Variants in RALYL observed in about 807,000 individuals in gnomAD.
RALYL encodes the protein RNA-binding Raly-like protein.
In RALYL, 29 loss-of-function variants were observed where a neutral mutation model predicts 35.1. The ratio of observed to expected loss-of-function variants is 0.83; its 90% CI spans 0.61 to 1.13. The LOEUF (loss-of-function observed/expected upper bound fraction) is 1.13. RALYL is among the 50% of genes most tolerant of loss of function. The pLI is 0.00. For synonymous variants in RALYL, 120 were observed against 127.6 expected (o/e 0.94, Z 0.40); for missense variants, 359 against 360.4 (o/e 1.00, Z 0.03).
intron 1 of RALYL, among the ~76,000 whole-genome samples, chr8:84,451,673 C>T (rs977553226): frequency 3.4e-4 from 51 of 151,858 alleles, no homozygotes; most frequent in African/African-American, 1.2e-3. Flanking sequence ...CATTGAAATG[C>T]TTAGAATAAC....
At chr8:84,504,929 C>T (rs909183609) in intron 1 of RALYL, among the ~76,000 whole-genome samples, 5 of 152,120 alleles carry the variant, frequency 3.3e-5, no homozygotes, top group Non-Finnish European at 5.9e-5. Context: ...ATTATTGCTA[C>T]GCCCGCACCC....
At chr8:84,234,769 AT>A (rs113212845) in intron 1 of RALYL, among the ~76,000 whole-genome samples, 16 of 149,070 alleles carry the variant, frequency 1.1e-4, no homozygotes, top group African/African-American at 2.0e-4. Context: ...TTATTTATTT[AT>A]TTTTTTTTTT....
chr8:84,530,779 A>G (rs955179757), intron 2 of RALYL, among the ~76,000 whole-genome samples: 3 of 152,116 alleles, frequency 2.0e-5, no homozygotes, highest in African/African-American at 7.2e-5. Context: ...TACCATACCT[A>G]CAATGCCCTA....
chr8:84,571,010 A>C (rs557099148), intron 2 of RALYL, among the ~76,000 whole-genome samples: 1 of 151,698 alleles, frequency 6.6e-6, no homozygotes, highest in Admixed American at 6.6e-5. Context: ...TTTTGCATCT[A>C]GGTTCATCAG....
At chr8:84,580,608 A>G (rs978837745) in intron 2 of RALYL, among the ~76,000 whole-genome samples, 27 of 152,192 alleles carry the variant, frequency 1.8e-4, no homozygotes, top group African/African-American at 5.5e-4. Context: ...TCAAATTTCA[A>G]TGTGAAATTT....
In RALYL at chr8:84,454,410, G is replaced by C. The variant is rs527478311; in HGVS notation, c.-23-74889G>C. 1.9e-3 allele frequency among the ~76,000 whole-genome samples: 288 copies of C among 151,944 alleles called. 2 individuals carry two copies. Among genetic ancestry groups the C allele is most frequent in the Middle Eastern group, 6.8e-3 (2 of 292 alleles). ...GCACACTGCTATACATAACTTCATA[G>C]GCTTCATAGACTACTTGCGATCTTT... is the stretch of plus-strand genomic sequence containing the variant. On this transcript the variant is annotated intron_variant, in intron 1 of 8. Transcript: ENST00000521268.
intron 1 of RALYL, among the ~76,000 whole-genome samples, chr8:84,405,261 A>G (rs2043351871): frequency 6.6e-6 from 1 of 152,220 alleles, no homozygotes; most frequent in African/African-American, 2.4e-5. Context: ...AGTAGAAAGC[A>G]GGAGAGATCT....
At chr8:84,385,480 C>T (rs1586759801) in intron 1 of RALYL, among the ~76,000 whole-genome samples, 2 of 151,832 alleles carry the variant, frequency 1.3e-5, no homozygotes, top group Admixed American at 1.3e-4. Flanking sequence ...ACAAAAGGGA[C>T]AAGGATGAGT....
intron 2 of RALYL, among the ~76,000 whole-genome samples, chr8:84,538,631 G>A (rs558682965): frequency 3.3e-5 from 5 of 151,968 alleles, no homozygotes; most frequent in Admixed American, 1.3e-4. Context: ...TACAGCTCTT[G>A]GAAAATATTC....
At chr8:84,838,148 C>A (rs1832417045) in intron 4 of RALYL, among the ~76,000 whole-genome samples, 1 of 152,234 alleles carries the variant, frequency 6.6e-6, no homozygotes, top group African/African-American at 2.4e-5. Flanking sequence ...AACTGAAAAA[C>A]CAACTCTTCT....
At position 84,197,237 on chromosome 8, in the gene RALYL, C is replaced by A. The variant is rs1815533210; in HGVS notation, c.-24+12813C>A. On this transcript the variant is annotated intron_variant, in intron 1 of 8. Transcript: ENST00000521268. ...TATCTGTTTCCTGCATTTTCGAAGT[C>A]CATAAATGTGGAAAATCAAGAGGCT... 2.0e-5 allele frequency among the ~76,000 whole-genome samples: 3 copies of A among 152,078 alleles called. No homozygotes were observed. In the South Asian group the frequency reaches 6.2e-4, roughly 32 times the overall value.
rs1824200965 is a variant in RALYL at position 84,804,759 on chromosome 8, T to C, written c.333-11T>C. On this transcript the variant is annotated splice_polypyrimidine_tract_variant and intron_variant, in intron 3 of 8. Transcript: ENST00000521268. ...TTTATATTAAAAGAAAATTTTCATATTTTTTCATAGACTTGAATCAAAGGA... is the reference window on the plus strand; with the variant it reads ...TTTATATTAAAAGAAAATTTTCATACTTTTTCATAGACTTGAATCAAAGGA... The C allele has an allele frequency of 8.6e-7, 1 of 1,167,622 alleles. No homozygotes were observed. The highest frequency in any genetic ancestry group is 1.6e-5 in the African/African-American group (1 of 63,590). The allele number at this position is 1,167,622 out of a possible 1,614,324, so 72.3% of individuals were successfully genotyped here. A position where few individuals can be genotyped will look rare whatever the true frequency, so the allele number is the denominator to read the frequency against.
intron 2 of RALYL, among the ~76,000 whole-genome samples, chr8:84,681,951 A>G (rs1835628395): frequency 6.6e-6 from 1 of 152,166 alleles, no homozygotes; most frequent in African/African-American, 2.4e-5. Context: ...GTTTTTGCCC[A>G]TTCAGTATGA....
At chr8:84,320,762 G>A (rs1343851151) in intron 1 of RALYL, among the ~76,000 whole-genome samples, 2 of 152,000 alleles carry the variant, frequency 1.3e-5, no homozygotes, top group African/African-American at 4.8e-5. Context: ...TCTGGTTCAT[G>A]CAAATAAAGT....
intron 1 of RALYL, among the ~76,000 whole-genome samples, chr8:84,214,126 A>G (rs1405655659): frequency 1.3e-5 from 2 of 152,102 alleles, no homozygotes; most frequent in African/African-American, 4.8e-5. Context: ...AATTATTTAT[A>G]GAATATACTT....
In RALYL at chr8:84,887,693, G is replaced by A; in HGVS notation, c.775G>A (p.Ala259Thr). ...TGCAGATCACTCTACAGAGGAGCCT[G>A]CTGAAGGAGGGCCAGATGCCGATGG... ...EIADHSTEEP[A>T]EGGPDADGEE... is the part of the protein sequence containing the mutation. The change falls in exon 8 of 9, where the codon GCT becomes ACT. Residue 259 changes from alanine (A) to threonine (T), a missense_variant. Transcript: ENST00000521268. The A allele has an allele frequency of 6.2e-7, 1 of 1,613,938 alleles. No homozygotes were observed. Among genetic ancestry groups the A allele is most frequent in the Non-Finnish European group, 8.5e-7 (1 of 1,179,834 alleles).
chr8:84,416,253 G>C (rs2044684518), intron 1 of RALYL, among the ~76,000 whole-genome samples: 1 of 152,104 alleles, frequency 6.6e-6, no homozygotes, highest in Non-Finnish European at 1.5e-5. Flanking sequence ...CCTCATTCTG[G>C]TCCTCATCAC....
At chr8:84,302,083 G>A (rs1289987572) in intron 1 of RALYL, among the ~76,000 whole-genome samples, 1 of 152,152 alleles carries the variant, frequency 6.6e-6, no homozygotes, top group Non-Finnish European at 1.5e-5. Context: ...TAGTTGAAAT[G>A]TGGAGCAATT....
intron 1 of RALYL, among the ~76,000 whole-genome samples, chr8:84,449,534 A>G (rs1197235687): frequency 6.6e-6 from 1 of 151,954 alleles, no homozygotes; most frequent in Admixed American, 6.6e-5. Flanking sequence ...GTGCCTTCAT[A>G]TAGTGGTTCC....
Sources: gnomAD v4.1 joint callset for allele counts (sites outside exome capture counted in the v4.1 genomes callset) on GRCh38, gnomAD v4.1.1 for gene constraint, MANE v1.5 for transcripts, NCBI Gene and HGNC (gene_info 2026-07-23, HGNC 2026-07-21) for gene names.